Variants in HHAT observed in about 807,000 individuals in gnomAD.
HHAT encodes hedgehog acyltransferase, also known as protein-cysteine N-palmitoyltransferase HHAT.
In HHAT, 47 loss-of-function variants were observed where a neutral mutation model predicts 70.8. That is an observed-to-expected ratio of 0.66 (90% CI 0.53 to 0.85). HHAT has a LOEUF of 0.85. Among genes scored for constraint, HHAT ranks in the 40% least tolerant of loss-of-function variants. The pLI is 0.00. For synonymous variants in HHAT, 228 were observed against 247.6 expected (o/e 0.92, Z 0.74); for missense variants, 609 against 604.8 (o/e 1.01, Z -0.07).
chr1:210,450,568 G>A (rs895920385), intron 7 of HHAT, among the ~76,000 whole-genome samples: 2 of 149,466 alleles, frequency 1.3e-5, no homozygotes, highest in South Asian at 2.1e-4. Flanking sequence ...ATGAGCTACC[G>A]CACCTGGCCA....
chr1:210,448,313 C>G (rs2093676925), intron 7 of HHAT, among the ~76,000 whole-genome samples: 1 of 152,054 alleles, frequency 6.6e-6, no homozygotes, highest in Non-Finnish European at 1.5e-5. Context: ...AACTCCTGAC[C>G]TCAGGTGATC....
chr1:210,674,801 T>C lies in HHAT; in HGVS notation c.*422T>C, dbSNP rs1680866637. 6.4e-6 allele frequency: 1 copy of C among 157,194 alleles called. No individual in the cohort carries two copies. Among genetic ancestry groups the C allele is most frequent in the Non-Finnish European group, 1.4e-5 (1 of 71,374 alleles). The allele number at this position is 157,194 out of a possible 1,614,324, so 9.7% of individuals were successfully genotyped here. A position where few individuals can be genotyped will look rare whatever the true frequency, so the allele number is the denominator to read the frequency against. ...TTCTGGGCAATATTTCTAAAATATT[T>C]GAGTGACATTGATGTTTAAGTGACC... On this transcript the variant is annotated 3_prime_UTR_variant, in exon 12 of 12. Coordinates refer to ENST00000261458, the MANE Select transcript of HHAT (RefSeq NM_018194.6).
intron 9 of HHAT, among the ~76,000 whole-genome samples, chr1:210,543,961 G>A (rs2095457000): frequency 6.6e-6 from 1 of 152,154 alleles, no homozygotes; most frequent in East Asian, 1.9e-4. Flanking sequence ...AGCAGTTCTT[G>A]GTCCCAGAAC....
At chr1:210,651,803 A>G (rs1301025261) in intron 11 of HHAT, among the ~76,000 whole-genome samples, 1 of 152,262 alleles carries the variant, frequency 6.6e-6, no homozygotes, top group African/African-American at 2.4e-5. Flanking sequence ...AGAGAGGATC[A>G]TGGAAAACCT....
chr1:210,555,788 A>G (rs540595886), intron 9 of HHAT, among the ~76,000 whole-genome samples: 1 of 152,266 alleles, frequency 6.6e-6, no homozygotes, highest in Non-Finnish European at 1.5e-5. Flanking sequence ...CTAGTGGTAA[A>G]TTCTGCACTG....
chr1:210,499,035 T>C (rs915623351), intron 8 of HHAT, among the ~76,000 whole-genome samples: 1 of 152,198 alleles, frequency 6.6e-6, no homozygotes, highest in Admixed American at 6.5e-5. Flanking sequence ...CTCAAAGTGC[T>C]GGGATTACAG....
At chr1:210,614,404 A>T in intron 10 of HHAT, among the ~76,000 whole-genome samples, 1 of 152,016 alleles carries the variant, frequency 6.6e-6, no homozygotes, top group African/African-American at 2.4e-5. Context: ...TTCCTTTAAA[A>T]AATTTTTTAA....
At chr1:210,609,755 A>G (rs983699527) in intron 10 of HHAT, among the ~76,000 whole-genome samples, 1 of 152,216 alleles carries the variant, frequency 6.6e-6, no homozygotes, top group African/African-American at 2.4e-5. Context: ...AAGTGAGAAC[A>G]TGCGGTGCTT....
chr1:210,332,849 G>A (rs1200986060), intron 1 of HHAT, among the ~76,000 whole-genome samples: 1 of 152,140 alleles, frequency 6.6e-6, no homozygotes, highest in Non-Finnish European at 1.5e-5. Flanking sequence ...AATGCAGCTT[G>A]CTTTTTGTTG....
chr1:210,397,556 AT>A (rs5780574), intron 4 of HHAT, among the ~76,000 whole-genome samples: 70,910 of 149,260 alleles, frequency 0.48, 16,949 homozygotes, highest in African/African-American at 0.58. Flanking sequence ...ATGCAACACA[AT>A]TTTTTTTTTT....
intron 11 of HHAT, among the ~76,000 whole-genome samples, chr1:210,672,414 A>G (rs1369591501): frequency 1.3e-5 from 2 of 152,186 alleles, no homozygotes; most frequent in African/African-American, 2.4e-5. Context: ...TGGATGGCCT[A>G]TAAGGTGGTC....
At chr1:210,457,077 A>T (rs1047287666) in intron 7 of HHAT, among the ~76,000 whole-genome samples, 1 of 152,028 alleles carries the variant, frequency 6.6e-6, no homozygotes, top group African/African-American at 2.4e-5. Flanking sequence ...GGCAATAGCT[A>T]CCTTTTGTTC....
intron 11 of HHAT, among the ~76,000 whole-genome samples, chr1:210,657,616 A>G (rs1014053494): frequency 5.3e-5 from 8 of 152,102 alleles, no homozygotes; most frequent in African/African-American, 7.2e-5. Context: ...TTATCCAACA[A>G]CTGCTCTAGG....
chr1:210,540,516 A>C (rs11119538), intron 9 of HHAT, among the ~76,000 whole-genome samples: 8 of 102,444 alleles, frequency 7.8e-5, no homozygotes, highest in African/African-American at 1.7e-4. Context: ...CACACACACA[A>C]ACACACGCTC....
At chr1:210,331,812 C>A (rs2085013925) in intron 1 of HHAT, among the ~76,000 whole-genome samples, 2 of 142,682 alleles carry the variant, frequency 1.4e-5, no homozygotes, top group Admixed American at 1.4e-4. Context: ...CCTGAAGGGA[C>A]AGATGGAGTT....
chr1:210,621,488 A>G (rs548228531), intron 10 of HHAT, among the ~76,000 whole-genome samples: 3 of 152,296 alleles, frequency 2.0e-5, no homozygotes, highest in Admixed American at 6.5e-5. Context: ...CTGTCTCCCA[A>G]CTTCCTCTCA....
At chr1:210,418,726 G>C (rs1428824953) in intron 7 of HHAT, among the ~76,000 whole-genome samples, 2 of 152,090 alleles carry the variant, frequency 1.3e-5, no homozygotes, top group Admixed American at 6.5e-5. Context: ...CTTGTTCTTT[G>C]TGCATAAGGT....
At chr1:210,351,831 T>C (rs145885212) in intron 2 of HHAT, among the ~76,000 whole-genome samples, 51 of 152,298 alleles carry the variant, frequency 3.3e-4, no homozygotes, top group African/African-American at 1.1e-3. Context: ...TGGGAAGTTA[T>C]ACAGGTCACT....
rs543296430 is a variant in HHAT at position 210,636,586 on chromosome 1, C to T, written c.1390+12916C>T. ...TAGATTTTGGCCTGGTTATTCCTTACTGTCTTTCCGGAATGTTGCTAGCTG... is the reference window on the plus strand; with the variant it reads ...TAGATTTTGGCCTGGTTATTCCTTATTGTCTTTCCGGAATGTTGCTAGCTG... On this transcript the variant is annotated intron_variant, in intron 11 of 11. Transcript: ENST00000261458. Among the ~76,000 whole-genome samples the T allele has an allele frequency of 3.9e-5, 6 of 152,290 alleles. No individual in the cohort carries two copies. In the South Asian group the frequency reaches 6.2e-4, roughly 16 times the overall value.
Sources: gnomAD v4.1 joint callset for allele counts (sites outside exome capture counted in the v4.1 genomes callset) on GRCh38, gnomAD v4.1.1 for gene constraint, MANE v1.5 for transcripts, NCBI Gene and HGNC (gene_info 2026-07-23, HGNC 2026-07-21) for gene names.